CDK14: variants seen among roughly 807,000 people sequenced by gnomAD.
The protein encoded by CDK14 is cyclin-dependent kinase 14.
A neutral mutation model predicts 60.7 loss-of-function variants in CDK14; 34 were observed. That is an observed-to-expected ratio of 0.56 (90% confidence interval 0.43 to 0.75). CDK14 has a LOEUF of 0.75. Among genes scored for constraint, CDK14 ranks in the 30% least tolerant of loss-of-function variants. CDK14 has a pLI of 0.00. For missense variants in CDK14, 482 were observed against 564.1 expected, an observed-to-expected ratio of 0.85 and a Z score of 1.47; for synonymous variants, 197 against 203.7, an observed-to-expected ratio of 0.97 and a Z score of 0.28.
At chr7:91,089,059 G>A (rs1269057466) in intron 12 of CDK14, among the ~76,000 whole-genome samples, 3 of 152,020 alleles carry the variant, frequency 2.0e-5, no homozygotes, top group Admixed American at 6.6e-5. Context: ...CTGAAGCCAG[G>A]GCTTAAAAGA....
chr7:90,916,643 C>G (rs1006477000), intron 7 of CDK14, among the ~76,000 whole-genome samples: 4 of 152,118 alleles, frequency 2.6e-5, no homozygotes, highest in Non-Finnish European at 5.9e-5. Context: ...TGGTTACTAA[C>G]TGGTTATATA....
chr7:91,046,592 T>C (rs988622285), intron 11 of CDK14, among the ~76,000 whole-genome samples: 2 of 152,160 alleles, frequency 1.3e-5, no homozygotes, highest in Non-Finnish European at 2.9e-5. Flanking sequence ...ATCTCAAATA[T>C]GGTCTGATTT....
intron 11 of CDK14, among the ~76,000 whole-genome samples, chr7:91,053,663 C>G (rs1797459349): frequency 6.6e-6 from 1 of 152,206 alleles, no homozygotes; most frequent in African/African-American, 2.4e-5. Context: ...GCCCACTTTC[C>G]TCATTTGCAG....
chr7:91,153,191 G>A (rs1800872819), intron 14 of CDK14, among the ~76,000 whole-genome samples: 1 of 152,142 alleles, frequency 6.6e-6, no homozygotes, highest in African/African-American at 2.4e-5. Context: ...TGAATTCTAG[G>A]CAGAGAAACT....
At chr7:90,864,884 A>G (rs1009647797) in intron 6 of CDK14, among the ~76,000 whole-genome samples, 1 of 152,126 alleles carries the variant, frequency 6.6e-6, no homozygotes, top group Non-Finnish European at 1.5e-5. Flanking sequence ...TAAATCAACC[A>G]CTTAATAATA....
At chr7:90,843,128 G>T (rs183418207) in intron 5 of CDK14, among the ~76,000 whole-genome samples, 1 of 152,130 alleles carries the variant, frequency 6.6e-6, no homozygotes, top group Non-Finnish European at 1.5e-5. Context: ...CACTAAGAGT[G>T]GGAGCTAATG....
intron 10 of CDK14, among the ~76,000 whole-genome samples, chr7:90,995,826 C>T (rs1795667555): frequency 6.6e-6 from 1 of 152,032 alleles, no homozygotes; most frequent in African/African-American, 2.4e-5. Context: ...TTAGACCCCA[C>T]TGAGGATTCT....
intron 11 of CDK14, among the ~76,000 whole-genome samples, chr7:91,066,665 G>A (rs888560671): frequency 1.3e-5 from 2 of 152,202 alleles, no homozygotes; most frequent in African/African-American, 2.4e-5. Context: ...GACATTTCAG[G>A]TGTAGCTTTT....
At chr7:91,063,049 G>T (rs1185197384) in intron 11 of CDK14, among the ~76,000 whole-genome samples, 1 of 152,228 alleles carries the variant, frequency 6.6e-6, no homozygotes, top group Non-Finnish European at 1.5e-5. Context: ...CAAACTGTCA[G>T]TGGGGCAGAG....
At chr7:91,149,308 A>G (rs1800759608) in intron 14 of CDK14, among the ~76,000 whole-genome samples, 1 of 149,330 alleles carries the variant, frequency 6.7e-6, no homozygotes, top group African/African-American at 2.5e-5. Flanking sequence ...CACCACTTTC[A>G]GCACGTTACA....
intron 2 of CDK14, among the ~76,000 whole-genome samples, chr7:90,618,896 A>G (rs780499448): frequency 5.2e-4 from 79 of 152,292 alleles, no homozygotes; most frequent in Admixed American, 8.5e-4. Context: ...TTTGTGCCTT[A>G]TTGTGTCTTT....
intron 2 of CDK14, chr7:90,709,571 T>C: frequency 6.2e-7 from 1 of 1,613,284 alleles, no homozygotes; most frequent in Non-Finnish European, 8.5e-7. Context: ...GCAATGCTGC[T>C]GCAGAGCCCG....
chr7:90,604,685 G>T (rs1015556442), intron 2 of CDK14, among the ~76,000 whole-genome samples: 2 of 152,156 alleles, frequency 1.3e-5, no homozygotes, highest in African/African-American at 2.4e-5. Context: ...CAAGGGAGGA[G>T]CTGACTTTTC....
chr7:90,820,553 C>T (rs538826418), intron 5 of CDK14, among the ~76,000 whole-genome samples: 5 of 152,296 alleles, frequency 3.3e-5, no homozygotes, highest in Middle Eastern at 3.4e-3. Context: ...CTTCACCTTC[C>T]GCCATGACTG....
intron 11 of CDK14, among the ~76,000 whole-genome samples, chr7:91,050,419 A>AT (rs201639587): frequency 0.033 from 5,067 of 152,290 alleles, 132 homozygotes; most frequent in Non-Finnish European, 0.054. Flanking sequence ...GGAAAAAAAA[A>AT]ATATATAACA....
At chr7:90,980,230 G>C (rs1348404169) in intron 9 of CDK14, among the ~76,000 whole-genome samples, 1 of 152,114 alleles carries the variant, frequency 6.6e-6, no homozygotes, top group Non-Finnish European at 1.5e-5. Flanking sequence ...CCTAAAATAA[G>C]AGTTTGAGCA....
At chr7:91,035,408 A>G (rs1277283409) in intron 10 of CDK14, among the ~76,000 whole-genome samples, 1 of 152,146 alleles carries the variant, frequency 6.6e-6, no homozygotes, top group Non-Finnish European at 1.5e-5. Flanking sequence ...TCTTTGCTGT[A>G]TATCAATATC....
chr7:90,970,209 AC>A (rs1403121598), intron 9 of CDK14, among the ~76,000 whole-genome samples: 1 of 151,406 alleles, frequency 6.6e-6, no homozygotes, highest in African/African-American at 2.4e-5. Context: ...CAGGTGATCC[AC>A]CCGCCTCTGC....
At chr7:90,791,406 A>G (rs895430000) in intron 5 of CDK14, among the ~76,000 whole-genome samples, 7 of 152,272 alleles carry the variant, frequency 4.6e-5, no homozygotes, top group African/African-American at 9.6e-5. Flanking sequence ...TTATCTTGAC[A>G]TAAGACTTCA....
Sources: allele counts gnomAD v4.1 joint callset (sites outside exome capture counted in the v4.1 genomes callset), GRCh38; gene constraint gnomAD v4.1.1; transcripts MANE v1.5; gene names NCBI Gene and HGNC (gene_info 2026-07-23, HGNC 2026-07-21).